Variants in MESP1 observed in about 807,000 individuals in gnomAD.
MESP1 encodes the protein mesoderm posterior bHLH transcription factor 1, also known as mesoderm posterior protein 1.
In MESP1, 22 loss-of-function variants were observed where a neutral mutation model predicts 15.2. The ratio of observed to expected loss-of-function variants is 1.45; its 90% confidence interval spans 1.04 to 2.07. MESP1 has a LOEUF of 2.07. Among genes scored for constraint, MESP1 ranks in the 30% most tolerant of loss-of-function variants. MESP1 has a pLI of 0.00. For missense variants in MESP1, 484 were observed against 411.9 expected (o/e 1.17, Z -1.51); for synonymous variants, 216 against 192.6 (o/e 1.12, Z -1.01).
rs1419142915 is a variant in MESP1, at chr15:89,750,534, G to T, written c.698C>A (p.Ala233Glu). 6.7e-7 allele frequency: 1 copy of T among 1,496,416 alleles called. No homozygotes were observed. Among genetic ancestry groups the T allele is most frequent in the Non-Finnish European group, 8.8e-7 (1 of 1,130,778 alleles). 92.7% of individuals were successfully genotyped at this position (1,496,416 alleles called of 1,614,324 possible). ...CGGGGACGGTGGGCTTGGCTCCATC[G>T]CCTGCCCTTCAGGGCACGCCGCCTC... Reference protein sequence around the residue: ...FAEAACPEGQAMEPSPPSPLL... With the variant: ...FAEAACPEGQEMEPSPPSPLL... Residue 233 changes from alanine to glutamate, a missense_variant, in exon 1 of 2, where the codon GCG (alanine) becomes GAG (glutamate). Transcript: ENST00000300057.
chr15:89,736,556 G>A, the MESP1 span, among the ~76,000 whole-genome samples: 33 of 152,148 alleles, frequency 2.2e-4, no homozygotes, highest in East Asian at 4.5e-3. Flanking sequence ...CAAAGTGACC[G>A]TGAGGGGCCC....
At chr15:89,743,446 C>T in the MESP1 span, 1 of 1,557,042 alleles carries the variant, frequency 6.4e-7, no homozygotes, top group African/African-American at 1.4e-5. Context: ...GAGGCAGCTG[C>T]TCCCAGGACA....
At chr15:89,735,421 C>T in the MESP1 span, 1 of 1,505,820 alleles carries the variant, frequency 6.6e-7, no homozygotes. Flanking sequence ...GGATATATGC[C>T]TAGAAGAGGA....
the MESP1 span, chr15:89,735,515 A>G: frequency 1.9e-6 from 3 of 1,614,134 alleles, no homozygotes; most frequent in Non-Finnish European, 2.5e-6. Context: ...GGATAAAACC[A>G]TCTGTGCCGT....
At chr15:89,736,918 AGTAGC>A in the MESP1 span, among the ~76,000 whole-genome samples, 4 of 151,586 alleles carry the variant, frequency 2.6e-5, no homozygotes, top group Non-Finnish European at 4.4e-5. Flanking sequence ...CAGCCTCCCG[AGTAGC>A]TGGGACTACA....
At chr15:89,737,761 G>T in the MESP1 span, 3 of 1,612,904 alleles carry the variant, frequency 1.9e-6, no homozygotes, top group South Asian at 3.3e-5. Flanking sequence ...GATGCCCACT[G>T]ACCATTTCCC....
At chr15:89,747,319 G>A (rs190114190), downstream of MESP1, among the ~76,000 whole-genome samples, 20 of 152,248 alleles carry the variant, frequency 1.3e-4, no homozygotes, top group Non-Finnish European at 2.8e-4. Flanking sequence ...CCTTGCCAGC[G>A]GCCCTGAGCC....
At position 89,750,906 on chromosome 15, in the gene MESP1, A is replaced by G. The variant is rs1357435115; in HGVS notation, c.326T>C (p.Leu109Pro). ...ARALHELRRF[L>P]PPSVAPAGQS... ...GCCCGCGGGCGCCACGGACGGCGGT[A>G]GAAAGCGGCGCAGCTCGTGCAGGGC... is the stretch of plus-strand genomic sequence containing the variant. Residue 109 changes from leucine (L) to proline (P), a missense_variant, in exon 1 of 2, where the codon CTA becomes CCA. Physicochemically the swap from Leu to Pro is moderately conservative, Grantham distance 98 (BLOSUM62 -3). Transcript: ENST00000300057. 1.3e-6 allele frequency: 2 copies of G among 1,489,178 alleles called. No homozygotes were observed. The highest frequency in any genetic ancestry group is 2.8e-5 in the East Asian group (1 of 35,866). 92.2% of individuals were successfully genotyped at this position (1,489,178 alleles called of 1,614,324 possible).
At position 89,750,126 on chromosome 15, in the gene MESP1, G is replaced by A. The variant is rs967041315; in HGVS notation, c.*18C>T. Reference sequence around the variant, plus strand: ...AAAAAGCCTCGGTGCTCACAGAGACGGCGTCAGTTGTCCCTTGTCACTTGG... The same window carrying A: ...AAAAAGCCTCGGTGCTCACAGAGACAGCGTCAGTTGTCCCTTGTCACTTGG... On this transcript the variant is annotated 3_prime_UTR_variant, in exon 2 of 2. Transcript: ENST00000300057. The A allele has an allele frequency of 1.2e-6, 2 of 1,612,480 alleles. No individual in the cohort carries two copies. The highest frequency in any genetic ancestry group is 1.7e-6 in the Non-Finnish European group (2 of 1,178,816).
the MESP1 span, chr15:89,735,353 T>C: frequency 1.3e-6 from 1 of 744,168 alleles, no homozygotes; most frequent in Non-Finnish European, 2.2e-6. Context: ...TTGTTCTTAA[T>C]TTTTTGCTAC....
the MESP1 span, among the ~76,000 whole-genome samples, chr15:89,734,034 T>G: frequency 2.0e-5 from 3 of 151,924 alleles, no homozygotes; most frequent in Non-Finnish European, 2.9e-5. Flanking sequence ...TGTGTGTACG[T>G]GTGTGTGTGT....
the MESP1 span, chr15:89,737,880 T>G: frequency 1.5e-6 from 2 of 1,346,050 alleles, no homozygotes; most frequent in African/African-American, 2.9e-5. Context: ...CACAGGGCAC[T>G]TAGATAAAAT....
chr15:89,733,415 A>G, the MESP1 span, among the ~76,000 whole-genome samples: 18 of 152,286 alleles, frequency 1.2e-4, no homozygotes, highest in Admixed American at 1.0e-3. Flanking sequence ...GATAGCACAG[A>G]TGACATCTGC....
Position 89,750,799 on chromosome 15 carries a change from C to T in MESP1, c.433G>A (p.Glu145Lys), listed in dbSNP as rs888170510. 1.3e-6 allele frequency: 2 copies of T among 1,523,816 alleles called. No individual in the cohort carries two copies. The highest frequency in any genetic ancestry group is 2.9e-5 in the African/African-American group (2 of 69,960). The allele number at this position is 1,523,816 out of a possible 1,614,324, so 94.4% of individuals were successfully genotyped here. A position where few individuals can be genotyped will look rare whatever the true frequency, so the allele number is the denominator to read the frequency against. Residue 145 changes from glutamate (E) to lysine (K), a missense_variant, in exon 1 of 2, where the codon GAG (glutamate) becomes AAG (lysine). Coordinates refer to ENST00000300057, the MANE Select transcript of MESP1 (RefSeq NM_018670.4). ...TGCCGGCACCGGCGCTGGAGACTCT[C>T]CTCGCTGAGGCCTAGCACGGCCGAC... ...HLSAVLGLSE[E>K]SLQRRCRQRG...
the MESP1 span, chr15:89,738,014 G>C: frequency 1.3e-6 from 2 of 1,585,998 alleles, no homozygotes; most frequent in African/African-American, 2.7e-5. Flanking sequence ...TTGTTACACA[G>C]AACATGGTGT....
chr15:89,750,449 G>C lies in MESP1; in HGVS notation c.723+60C>G, dbSNP rs952603362. ...CAGGGTGCCTGGTCCTCACCTTGGC[G>C]GGCGGTGGGGCTGTGCGCGGGGGCA... On this transcript the variant is annotated intron_variant, in intron 1 of 1. Coordinates refer to ENST00000300057, the MANE Select transcript of MESP1 (RefSeq NM_018670.4). 5.5e-6 allele frequency: 8 copies of C among 1,463,256 alleles called. No homozygotes were observed. In the African/African-American group the frequency reaches 9.9e-5, roughly 18 times the overall value. 90.6% of individuals were successfully genotyped at this position (1,463,256 alleles called of 1,614,324 possible).
Position 89,750,079 on chromosome 15 carries a change from C to T in MESP1, c.*65G>A. 1 of 1,462,920 alleles carries T rather than the reference C, an allele frequency of 6.8e-7. No homozygotes were observed. Among genetic ancestry groups the T allele is most frequent in the South Asian group, 1.1e-5 (1 of 88,076 alleles). The allele number at this position is 1,462,920 out of a possible 1,614,324, so 90.6% of individuals were successfully genotyped here. ...CCAGGAAAGGCAGTCTGCCAAGGAACCACTTCGAAGGTGCTGAGGCCAAAA... is the reference window on the plus strand; with the variant it reads ...CCAGGAAAGGCAGTCTGCCAAGGAATCACTTCGAAGGTGCTGAGGCCAAAA... On this transcript the variant is annotated 3_prime_UTR_variant, in exon 2 of 2. Transcript: ENST00000300057.
the MESP1 span, chr15:89,732,970 C>T: frequency 2.2e-5 from 36 of 1,604,392 alleles, no homozygotes; most frequent in South Asian, 5.5e-5. Context: ...TCCCCTACCC[C>T]GTTTTCTGAC....
At chr15:89,732,967 C>T in the MESP1 span, 1 of 1,600,456 alleles carries the variant, frequency 6.2e-7, no homozygotes, top group South Asian at 1.1e-5. Context: ...TCCTCCCCTA[C>T]CCCGTTTTCT....
Sources: allele counts gnomAD v4.1 joint callset (sites outside exome capture counted in the v4.1 genomes callset), GRCh38; gene constraint gnomAD v4.1.1; transcripts MANE v1.5; gene names NCBI Gene and HGNC (gene_info 2026-07-23, HGNC 2026-07-21).